Variants in TCP11L2 observed in about 807,000 individuals in gnomAD.
TCP11L2 encodes T-complex protein 11-like protein 2.
A neutral mutation model predicts 50.7 loss-of-function variants in TCP11L2; 39 were observed. The ratio of observed to expected loss-of-function variants is 0.77; its 90% confidence interval spans 0.60 to 1.01. The LOEUF (loss-of-function observed/expected upper bound fraction) is 1.01, where lower values mean the gene tolerates loss of function less well. Among genes scored for constraint, TCP11L2 ranks in the 50% least tolerant of loss-of-function variants. TCP11L2 has a pLI of 0.00. For synonymous variants in TCP11L2, 192 were observed against 219.3 expected (o/e 0.88, Z 1.10); for missense variants, 612 against 614.7 (o/e 1.00, Z 0.05).
intron 3 of TCP11L2, among the ~76,000 whole-genome samples, chr12:106,315,060 C>A (rs2035025632): frequency 6.7e-6 from 1 of 149,874 alleles, no homozygotes; most frequent in South Asian, 2.1e-4. Context: ...CGTGGTGAAA[C>A]CTCACCTCTA....
At chr12:106,329,530 A>ATT in intron 6 of TCP11L2, 1 of 1,456,108 alleles carries the variant, frequency 6.9e-7, no homozygotes, top group South Asian at 1.4e-5. Context: ...TGGGGCGTTT[A>ATT]AACACAGAGG....
At chr12:106,308,311 T>C (rs1400220778) in intron 1 of TCP11L2, among the ~76,000 whole-genome samples, 1 of 152,202 alleles carries the variant, frequency 6.6e-6, no homozygotes, top group African/African-American at 2.4e-5. Flanking sequence ...CAGAAAAATG[T>C]GCATAAAGTC....
chr12:106,305,501 A>G (rs2034591313), intron 1 of TCP11L2, among the ~76,000 whole-genome samples: 1 of 152,212 alleles, frequency 6.6e-6, no homozygotes, highest in South Asian at 2.1e-4. Context: ...TGGGAGACAG[A>G]TATGCACACA....
At chr12:106,332,694 G>C (rs2136779607) in intron 6 of TCP11L2, among the ~76,000 whole-genome samples, 1 of 152,236 alleles carries the variant, frequency 6.6e-6, no homozygotes, top group South Asian at 2.1e-4. Flanking sequence ...TGGCACTGCA[G>C]ACATGCCTAT....
intron 6 of TCP11L2, 43 bp from the exon 7 acceptor site, chr12:106,335,596 A>G (rs1410892206): frequency 8.2e-6 from 13 of 1,593,018 alleles, no homozygotes; most frequent in Admixed American, 1.7e-5. Flanking sequence ...CAGTGAAGGG[A>G]TCAATCAGCT....
upstream of TCP11L2, among the ~76,000 whole-genome samples, chr12:106,298,240 T>C (rs879385541): frequency 1.2e-4 from 19 of 152,156 alleles, no homozygotes; most frequent in African/African-American, 1.9e-4. Flanking sequence ...TCACAGGATA[T>C]AGAACAAAAA....
chr12:106,345,661 T>TA (rs35306201), intron 9 of TCP11L2, among the ~76,000 whole-genome samples: 38,205 of 151,632 alleles, frequency 0.25, 5,318 homozygotes, highest in African/African-American at 0.37. Context: ...TTTTTTTTTT[T>TA]ATCAGTCAGC....
At position 106,336,118 on chromosome 12, in the gene TCP11L2, C is replaced by T. The variant is rs2035912239; in HGVS notation, c.1047C>T (p.Thr349=). Residue 349 remains threonine, a synonymous_variant, in exon 8 of 10, where the codon ACC becomes ACT. Coordinates refer to ENST00000299045, the MANE Select transcript of TCP11L2 (RefSeq NM_152772.3). ...TTATTGCCTGCCTGTCCCTAATTAC[C>T]AACAACATGGTGGGTGCTATTACAG... The part of the protein sequence containing the change: ...LKIIACLSLI[T]NNMVGAITGG... 2 of 1,614,016 alleles carry T rather than the reference C, an allele frequency of 1.2e-6. No individual in the cohort carries two copies. Among genetic ancestry groups the T allele is most frequent in the East Asian group, 2.2e-5 (1 of 44,880 alleles).
intron 9 of TCP11L2, among the ~76,000 whole-genome samples, chr12:106,344,341 T>C (rs561486797): frequency 6.6e-6 from 1 of 152,084 alleles, no homozygotes; most frequent in East Asian, 1.9e-4. Context: ...ACCAAGAATA[T>C]AAAGATAAAA....
chr12:106,310,941 A>G (rs1202981949), intron 1 of TCP11L2, 100 bp from the exon 2 acceptor site: 9 of 1,108,308 alleles, frequency 8.1e-6, no homozygotes, highest in Non-Finnish European at 1.1e-5. Context: ...TTTCCAACAC[A>G]GTGACACTTG....
rs958204311 is a variant in TCP11L2 at position 106,312,796 on chromosome 12, C to T, written c.158-1562C>T. On this transcript the variant is annotated intron_variant, in intron 2 of 9. Transcript: ENST00000299045. ...ACTTGGGAGGCTGAGGCAGGAGAAT[C>T]GCTTGAACCTGGGAGGTGGAGGTTG... Among the ~76,000 whole-genome samples, 7 of 152,144 alleles carry T rather than the reference C, an allele frequency of 4.6e-5. No individual in the cohort carries two copies. The East Asian group carries it at 7.7e-4, about 17-fold the overall frequency.
rs1565865296 is a variant in TCP11L2 at position 106,346,448 on chromosome 12, C to CATTTTATGCAAAT, written c.1481_1493dup (p.Arg500CysfsTer11). 2.5e-6 allele frequency: 4 copies of CATTTTATGCAAAT among 1,614,122 alleles called. No homozygotes were observed. In the Admixed American group the frequency reaches 5.0e-5, roughly 20 times the overall value. ...AATCTCAACAAACAAGTGTATGGAC[C>CATTTTATGCAAAT]ATTTTATGCAAATATACTTCGAAAG... On this transcript the variant is annotated frameshift_variant, in exon 10 of 10. Coordinates refer to ENST00000299045, the MANE Select transcript of TCP11L2 (RefSeq NM_152772.3). LOFTEE classifies it high-confidence loss of function.
At chr12:106,336,510 A>G (rs962442008) in intron 8 of TCP11L2, among the ~76,000 whole-genome samples, 16 of 151,004 alleles carry the variant, frequency 1.1e-4, no homozygotes, top group African/African-American at 3.4e-4. Flanking sequence ...CAAATGAAAC[A>G]CAGAAATCTG....
chr12:106,322,475 G>C (rs2136707728), intron 5 of TCP11L2, among the ~76,000 whole-genome samples: 1 of 152,328 alleles, frequency 6.6e-6, no homozygotes, highest in Non-Finnish European at 1.5e-5. Flanking sequence ...CAGGGAGGGA[G>C]ATTGGGCCTT....
At chr12:106,307,605 A>C (rs1045918131) in intron 1 of TCP11L2, among the ~76,000 whole-genome samples, 1 of 152,224 alleles carries the variant, frequency 6.6e-6, no homozygotes, top group Admixed American at 6.5e-5. Flanking sequence ...TTGGAAACTC[A>C]AGACCGAGAA....
intron 6 of TCP11L2, among the ~76,000 whole-genome samples, chr12:106,335,042 A>G (rs774040951): frequency 6.6e-6 from 1 of 152,186 alleles, no homozygotes; most frequent in Non-Finnish European, 1.5e-5. Flanking sequence ...AGAGAATGAC[A>G]ATTGTTTGTG....
At chr12:106,328,172 G>T (rs915747289) in intron 6 of TCP11L2, among the ~76,000 whole-genome samples, 1 of 152,246 alleles carries the variant, frequency 6.6e-6, no homozygotes, top group African/African-American at 2.4e-5. Flanking sequence ...AGGGGTTCAA[G>T]AAATATTTAT....
chr12:106,335,623 G>A lies in TCP11L2; in HGVS notation c.773-16G>A. ...CAATCAGCTGTAGAACAAATATGTG[G>A]CCTTTTCACTCTTAGGTGCTCTTGA... On this transcript the variant is annotated splice_polypyrimidine_tract_variant and intron_variant, in intron 6 of 9. Coordinates refer to ENST00000299045, the MANE Select transcript of TCP11L2 (RefSeq NM_152772.3). 1 of 1,612,362 alleles carries A rather than the reference G, an allele frequency of 6.2e-7. No homozygotes were observed.
intron 9 of TCP11L2, among the ~76,000 whole-genome samples, chr12:106,345,719 T>A (rs898786101): frequency 3.3e-5 from 5 of 151,962 alleles, no homozygotes; most frequent in African/African-American, 1.2e-4. Flanking sequence ...TTAAAAAAAA[T>A]AAGCATTTAT....
Sources: gnomAD v4.1 joint callset for allele counts (sites outside exome capture counted in the v4.1 genomes callset) on GRCh38, gnomAD v4.1.1 for gene constraint, MANE v1.5 for transcripts, NCBI Gene and HGNC (gene_info 2026-07-23, HGNC 2026-07-21) for gene names.